The following SHOC2 variants were observed in gnomAD, a reference collection of about 807,000 sequenced individuals.
The protein encoded by SHOC2 is leucine-rich repeat protein SHOC-2.
SHOC2 carries 4 observed loss-of-function variants against 50.2 expected under a neutral mutation model. That is an observed-to-expected ratio of 0.08 (90% CI 0.04 to 0.18). SHOC2 has a LOEUF of 0.18. SHOC2 is among the 10% of genes least tolerant of loss of function. The probability of loss-of-function intolerance (pLI) is 1.00; values close to 1 mark genes in which losing one functional copy is unlikely to be tolerated. For synonymous variants in SHOC2, 218 were observed against 244.5 expected (o/e 0.89, Z 1.01); for missense variants, 388 against 669.6 (o/e 0.58, Z 4.64).
chr10:110,947,082 C>G (rs1847259471), intron 1 of SHOC2, among the ~76,000 whole-genome samples: 1 of 152,194 alleles, frequency 6.6e-6, no homozygotes, highest in African/African-American at 2.4e-5. Flanking sequence ...TACAGTTGCA[C>G]ATTAATTGTT....
At chr10:111,002,449 G>C (rs989283369) in intron 4 of SHOC2, among the ~76,000 whole-genome samples, 3 of 152,178 alleles carry the variant, frequency 2.0e-5, no homozygotes, top group Admixed American at 6.5e-5. Context: ...TTTGAAGACT[G>C]TCTGAAAATG....
intron 2 of SHOC2, among the ~76,000 whole-genome samples, chr10:110,984,904 A>G (rs1848049218): frequency 6.6e-6 from 1 of 152,182 alleles, no homozygotes; most frequent in South Asian, 2.1e-4. Context: ...GTAGCTCACA[A>G]TCAACTTGAA....
At chr10:110,987,079 C>T (rs576535535) in intron 3 of SHOC2, among the ~76,000 whole-genome samples, 9 of 152,100 alleles carry the variant, frequency 5.9e-5, no homozygotes, top group South Asian at 4.1e-4. Flanking sequence ...TAGATTTTGA[C>T]TCTTGCTGGA....
At chr10:110,931,444 T>G (rs750539452) in intron 1 of SHOC2, among the ~76,000 whole-genome samples, 4 of 152,162 alleles carry the variant, frequency 2.6e-5, no homozygotes, top group Non-Finnish European at 5.9e-5. Flanking sequence ...CTTTTTAAAC[T>G]CTTAAACTGC....
At chr10:110,936,739 T>C (rs763896676) in intron 1 of SHOC2, 1 of 947,354 alleles carries the variant, frequency 1.1e-6, no homozygotes, top group Admixed American at 1.9e-5. Context: ...GGTAGTGGAT[T>C]TTGGCTTTCT....
intron 1 of SHOC2, among the ~76,000 whole-genome samples, chr10:110,943,553 A>T (rs1252432613): frequency 6.6e-6 from 1 of 152,152 alleles, no homozygotes; most frequent in Non-Finnish European, 1.5e-5. Context: ...AGGAGATTTG[A>T]TATTAAATTT....
chr10:111,010,681 TAA>T (rs11346518), intron 8 of SHOC2, among the ~76,000 whole-genome samples: 4 of 151,994 alleles, frequency 2.6e-5, no homozygotes, highest in South Asian at 2.1e-4. Context: ...TAAAGTATAA[TAA>T]AAAAAAATGG....
chr10:111,010,878 A>G (rs554665454), intron 8 of SHOC2, among the ~76,000 whole-genome samples: 15 of 152,342 alleles, frequency 9.8e-5, no homozygotes, highest in Non-Finnish European at 1.6e-4. Context: ...AATTGATTAC[A>G]TACTAGCTAT....
intron 3 of SHOC2, chr10:110,989,054 A>G (rs1466680339): frequency 2.0e-6 from 1 of 500,338 alleles, no homozygotes; most frequent in South Asian, 1.5e-5. Context: ...ATTTTCCATG[A>G]TATATTATTG....
At chr10:111,004,399 A>G (rs1441802053) in intron 4 of SHOC2, among the ~76,000 whole-genome samples, 1 of 152,232 alleles carries the variant, frequency 6.6e-6, no homozygotes, top group Non-Finnish European at 1.5e-5. Flanking sequence ...GGAAGTCTAC[A>G]TTGGTTCCAC....
intron 1 of SHOC2, among the ~76,000 whole-genome samples, chr10:110,961,229 A>G (rs548332336): frequency 3.3e-5 from 5 of 152,170 alleles, no homozygotes; most frequent in Non-Finnish European, 7.3e-5. Context: ...AATGAGTGCA[A>G]GATTCAAATT....
At chr10:110,969,299 C>T (rs1175979955) in intron 2 of SHOC2, among the ~76,000 whole-genome samples, 1 of 152,096 alleles carries the variant, frequency 6.6e-6, no homozygotes, top group Non-Finnish European at 1.5e-5. Context: ...TCACTCTATA[C>T]AAAGACAGTC....
rs551969117 is a variant in SHOC2, at chr10:110,930,497, C to G, written c.-235+10840C>G. Among the ~76,000 whole-genome samples, 30 of 152,146 alleles carry G rather than the reference C, an allele frequency of 2.0e-4. No individual in the cohort carries two copies. In the South Asian group the frequency reaches 6.0e-3, roughly 31 times the overall value. Reference sequence around the variant, plus strand: ...ATTAACAGTTTTTAGTTTAAAAGGTCTGAAAATCTTTTTTTCTTTGAAAAT... The same window carrying G: ...ATTAACAGTTTTTAGTTTAAAAGGTGTGAAAATCTTTTTTTCTTTGAAAAT... On this transcript the variant is annotated intron_variant, in intron 1 of 8. Transcript: ENST00000369452.
At chr10:110,991,087 TTCTC>T (rs1277732749) in intron 3 of SHOC2, among the ~76,000 whole-genome samples, 5 of 152,218 alleles carry the variant, frequency 3.3e-5, no homozygotes, top group Admixed American at 2.6e-4. Flanking sequence ...TTCGGCCTTC[TTCTC>T]TGTCTCAAAT....
At position 111,007,524 on chromosome 10, in the gene SHOC2, T is replaced by C; in HGVS notation, c.1162-7T>C. 1 of 1,613,546 alleles carries C rather than the reference T, an allele frequency of 6.2e-7. No homozygotes were observed. Among genetic ancestry groups the C allele is most frequent in the South Asian group, 1.1e-5 (1 of 91,060 alleles). On this transcript the variant is annotated splice_region_variant and splice_polypyrimidine_tract_variant and intron_variant, in intron 5 of 8. Coordinates refer to ENST00000369452, the MANE Select transcript of SHOC2 (RefSeq NM_007373.4). ...CTACCTTGGATGCTTCTTTTTGTCT[T>C]TGCCAGGACAATCAGTTAACATCAC... is the stretch of plus-strand genomic sequence containing the variant.
At position 111,012,088 on chromosome 10, in the gene SHOC2, A is replaced by G. The variant is rs1323504842; in HGVS notation, c.*270A>G. 1 of 429,910 alleles carries G rather than the reference A, an allele frequency of 2.3e-6. No individual in the cohort carries two copies. Among genetic ancestry groups the G allele is most frequent in the Non-Finnish European group, 4.2e-6 (1 of 237,810 alleles). The allele number at this position is 429,910 out of a possible 1,614,324, so 26.6% of individuals were successfully genotyped here. A position where few individuals can be genotyped will look rare whatever the true frequency, so the allele number is the denominator to read the frequency against. ...GTTTGCTTAAAACATTTGCCAACAC[A>G]TTATGAAGTTATTAAATTTAAGGGA... is the stretch of plus-strand genomic sequence containing the variant. On this transcript the variant is annotated 3_prime_UTR_variant, in exon 9 of 9. Transcript: ENST00000369452.
chr10:110,942,045 T>A (rs1847156208), intron 1 of SHOC2, among the ~76,000 whole-genome samples: 1 of 152,214 alleles, frequency 6.6e-6, no homozygotes, highest in African/African-American at 2.4e-5. Context: ...TTTTTCATTC[T>A]CTGCTAAGAC....
Position 111,009,332 on chromosome 10 carries a change from G to C in SHOC2, c.1369G>C (p.Glu457Gln). The change falls in exon 7 of 9, where the codon GAG becomes CAG. Residue 457 changes from glutamate (E) to glutamine (Q), a missense_variant. Transcript: ENST00000369452. ...LRKLRELDLE[E>Q]NKLESLPNEI... is the part of the protein sequence containing the mutation. Reference sequence around the variant, plus strand: ...GAAGTTAAGAGAGTTGGATCTAGAAGAGAACAAATTGGAATCCTTGCCAAA... The same window carrying C: ...GAAGTTAAGAGAGTTGGATCTAGAACAGAACAAATTGGAATCCTTGCCAAA... The C allele has an allele frequency of 6.2e-7, 1 of 1,607,908 alleles. No individual in the cohort carries two copies. The highest frequency in any genetic ancestry group is 1.3e-5 in the African/African-American group (1 of 74,858).
chr10:110,946,772 A>G (rs1047409889), intron 1 of SHOC2, among the ~76,000 whole-genome samples: 1 of 152,158 alleles, frequency 6.6e-6, no homozygotes, highest in East Asian at 1.9e-4. Context: ...TGTAGGGGCT[A>G]GATCATGTGG....
Sources: allele counts gnomAD v4.1 joint callset (sites outside exome capture counted in the v4.1 genomes callset), GRCh38; gene constraint gnomAD v4.1.1; transcripts MANE v1.5; gene names NCBI Gene and HGNC (gene_info 2026-07-23, HGNC 2026-07-21).